The following ULK4 variants were observed in gnomAD, a reference collection of about 807,000 sequenced individuals.
ULK4 encodes the protein unc-51 like kinase 4, also known as inactive serine/threonine-protein kinase ULK4.
In ULK4, 133 loss-of-function variants were observed where a neutral mutation model predicts 160.6. The ratio of observed to expected loss-of-function variants is 0.83; its 90% CI spans 0.72 to 0.96. The LOEUF is 0.96. Among genes scored for constraint, ULK4 ranks in the 40% least tolerant of loss-of-function variants. The probability of loss-of-function intolerance (pLI) is 0.00; values close to 1 mark genes in which losing one functional copy is unlikely to be tolerated. For synonymous variants in ULK4, 534 were observed against 539.8 expected (o/e 0.99, Z 0.15); for missense variants, 1,580 against 1,499.5 (o/e 1.05, Z -0.89).
chr3:41,649,867 G>C (rs1312185917), intron 30 of ULK4, among the ~76,000 whole-genome samples: 2 of 152,236 alleles, frequency 1.3e-5, no homozygotes, highest in Non-Finnish European at 2.9e-5. Context: ...GTTCCAGGTA[G>C]AGTACATGGC....
At chr3:41,429,660 G>A (rs1008810341) in intron 34 of ULK4, among the ~76,000 whole-genome samples, 1 of 151,836 alleles carries the variant, frequency 6.6e-6, no homozygotes, top group Non-Finnish European at 1.5e-5. Context: ...AATATCGCAT[G>A]TTCTCACTTG....
At chr3:41,517,282 G>A (rs1005746973) in intron 32 of ULK4, among the ~76,000 whole-genome samples, 3 of 152,102 alleles carry the variant, frequency 2.0e-5, no homozygotes, top group African/African-American at 7.2e-5. Context: ...CCCTCCTCCA[G>A]CACAATTCAT....
chr3:41,853,990 C>G (rs1047030557), intron 17 of ULK4: 7 of 152,182 alleles, frequency 4.6e-5, no homozygotes, highest in Non-Finnish European at 1.0e-4. Context: ...ACTCATTTGG[C>G]ATAAATTCCT....
intron 12 of ULK4, among the ~76,000 whole-genome samples, chr3:41,904,063 T>C (rs1320148799): frequency 6.6e-6 from 1 of 151,982 alleles, no homozygotes; most frequent in Non-Finnish European, 1.5e-5. Flanking sequence ...CTATTTTCTT[T>C]GTCCTCTTTT....
rs779805990 is a variant in ULK4, at chr3:41,715,250, T to A, written c.2621A>T (p.Tyr874Phe). 1 of 1,613,340 alleles carries A rather than the reference T, an allele frequency of 6.2e-7. No homozygotes were observed. Among genetic ancestry groups the A allele is most frequent in the Non-Finnish European group, 8.5e-7 (1 of 1,179,960 alleles). ...QVVTEEFLFSYGTILSHIKSV... is the reference protein window; with the variant it reads ...QVVTEEFLFSFGTILSHIKSV... The stretch of plus-strand genomic sequence containing the variant: ...CGTGTTACTCACAAGAATAGTTCCA[T>A]AGCTGAAAAGAAACTCTTCTGTCAC... The change falls in exon 25 of 37, where the codon TAT (tyrosine) becomes TTT (phenylalanine). Residue 874 changes from tyrosine (Y) to phenylalanine (F), a missense_variant. Transcript: ENST00000301831.
chr3:41,789,544 A>G (rs974606445), intron 21 of ULK4, 117 bp downstream of exon 21: 1 of 1,003,230 alleles, frequency 1.0e-6, no homozygotes, highest in Non-Finnish European at 1.4e-6. Flanking sequence ...GCAAAGTTCA[A>G]AAAGGCCTCT....
At chr3:41,353,808 A>G (rs1042938519) in intron 35 of ULK4, among the ~76,000 whole-genome samples, 18 of 152,126 alleles carry the variant, frequency 1.2e-4, no homozygotes, top group African/African-American at 4.1e-4. Context: ...TCTATAGGGT[A>G]CACCTACTAT....
intron 21 of ULK4, among the ~76,000 whole-genome samples, chr3:41,775,810 G>C (rs2039592662): frequency 6.6e-6 from 1 of 150,610 alleles, no homozygotes; most frequent in Admixed American, 6.6e-5. Context: ...TTCACTCAAA[G>C]TTTTCTTTAT....
At chr3:41,337,998 T>A (rs1387975784) in intron 35 of ULK4, among the ~76,000 whole-genome samples, 1 of 152,216 alleles carries the variant, frequency 6.6e-6, no homozygotes, top group Non-Finnish European at 1.5e-5. Context: ...TATCCTCTCT[T>A]CTCTCAAAAG....
intron 19 of ULK4, among the ~76,000 whole-genome samples, chr3:41,807,052 C>CA (rs1294043454): frequency 2.6e-5 from 4 of 151,878 alleles, no homozygotes; most frequent in African/African-American, 9.7e-5. Flanking sequence ...GGCTTGATCC[C>CA]AGGAGGCAGA....
chr3:41,685,733 A>C (rs2036079141), intron 27 of ULK4, among the ~76,000 whole-genome samples: 2 of 152,078 alleles, frequency 1.3e-5, no homozygotes, highest in Non-Finnish European at 2.9e-5. Flanking sequence ...GTATGTTTTG[A>C]CTAATAAAAA....
chr3:41,647,975 T>C (rs1031752464), intron 30 of ULK4, among the ~76,000 whole-genome samples: 11 of 152,144 alleles, frequency 7.2e-5, no homozygotes, highest in African/African-American at 2.4e-4. Context: ...TCAGCGAGAC[T>C]CCGTGGGCGT....
chr3:41,715,581 G>A lies in ULK4; in HGVS notation c.2456-13C>T, dbSNP rs1354987803. ...TTAAGAATGTCACCTGTGAAGCACAGCCCAGAGCATATGTGGAGGTTAAAA... is the reference window on the plus strand; with the variant it reads ...TTAAGAATGTCACCTGTGAAGCACAACCCAGAGCATATGTGGAGGTTAAAA... On this transcript the variant is annotated splice_polypyrimidine_tract_variant and intron_variant, in intron 23 of 36. Transcript: ENST00000301831. 6.2e-7 allele frequency: 1 copy of A among 1,613,976 alleles called. No individual in the cohort carries two copies. The highest frequency in any genetic ancestry group is 2.2e-5 in the East Asian group (1 of 44,860).
chr3:41,637,661 T>C (rs9818089), intron 30 of ULK4, among the ~76,000 whole-genome samples: 36,567 of 152,152 alleles, frequency 0.24, 4,608 homozygotes, highest in Admixed American at 0.29. Context: ...CTGTCAACAA[T>C]GTGTAAGAGT....
chr3:41,941,983 C>T (rs1216244783), intron 2 of ULK4, among the ~76,000 whole-genome samples: 1 of 151,980 alleles, frequency 6.6e-6, no homozygotes, highest in African/African-American at 2.4e-5. Context: ...TCAACATACG[C>T]CCCACGCCTA....
chr3:41,766,523 C>G (rs149070218), intron 21 of ULK4: 6 of 152,304 alleles, frequency 3.9e-5, no homozygotes, highest in African/African-American at 1.2e-4. Context: ...AAGGCTTCTT[C>G]TAGGAAAAAG....
At chr3:41,576,398 G>T (rs2088188909) in intron 31 of ULK4, among the ~76,000 whole-genome samples, 2 of 152,210 alleles carry the variant, frequency 1.3e-5, no homozygotes, top group African/African-American at 2.4e-5. Flanking sequence ...AATGCTGAGT[G>T]CCTTGAGGGC....
intron 32 of ULK4, among the ~76,000 whole-genome samples, chr3:41,468,757 G>A (rs1310536130): frequency 6.6e-6 from 1 of 152,208 alleles, no homozygotes; most frequent in East Asian, 1.9e-4. Context: ...GGTTTCTACA[G>A]AGGGAAGAGA....
chr3:41,398,200 A>T lies in ULK4; in HGVS notation c.3557T>A (p.Leu1186Gln), dbSNP rs752650336. 4 of 1,613,368 alleles carry T rather than the reference A, an allele frequency of 2.5e-6. No individual in the cohort carries two copies. The highest frequency in any genetic ancestry group is 1.7e-5 in the Admixed American group (1 of 59,894). Residue 1186 changes from leucine (L) to glutamine (Q), a missense_variant, in exon 35 of 37, where the codon CTG becomes CAG. Transcript: ENST00000301831. ...GCTGTCCGGGTTTTCCCCTCCATAC[A>T]GCTGAACCAGTATAGACAGGCACTT... is the stretch of plus-strand genomic sequence containing the variant. ...SSKCLSILVQLYGGENPDSLS... is the reference protein window; with the variant it reads ...SSKCLSILVQQYGGENPDSLS...
Sources: allele counts gnomAD v4.1 joint callset (sites outside exome capture counted in the v4.1 genomes callset), GRCh38; gene constraint gnomAD v4.1.1; transcripts MANE v1.5; gene names NCBI Gene and HGNC (gene_info 2026-07-23, HGNC 2026-07-21).